KIF26A: variants seen among roughly 807,000 people sequenced by gnomAD.
The protein encoded by KIF26A is kinesin family member 26A.
KIF26A carries 74 observed loss-of-function variants against 126.0 expected under a neutral mutation model. The observed-to-expected ratio is 0.59, with a 90% CI of 0.49 to 0.71. KIF26A has a LOEUF of 0.71. Among genes scored for constraint, KIF26A ranks in the 30% least tolerant of loss-of-function variants. The pLI, the probability that KIF26A is intolerant of heterozygous loss-of-function variation, is 0.00. For synonymous variants in KIF26A, 1,445 were observed against 1,232.7 expected, an observed-to-expected ratio of 1.17 and a Z score of -3.61; for missense variants, 2,984 against 2,763.3, an observed-to-expected ratio of 1.08 and a Z score of -1.79.
chr14:104,165,550 T>C (rs1240084337), intron 4 of KIF26A, among the ~76,000 whole-genome samples: 1 of 150,740 alleles, frequency 6.6e-6, no homozygotes, highest in East Asian at 1.9e-4. Context: ...TATGCGTGTG[T>C]GTGTGTCTGT....
chr14:104,178,482 T>TC lies in KIF26A; in HGVS notation c.5111-64dup, dbSNP rs950342125. 535 of 1,225,140 alleles carry TC rather than the reference T, an allele frequency of 4.4e-4. 1 individual carries two copies. Among genetic ancestry groups the TC allele is most frequent in the Non-Finnish European group, 5.4e-4 (498 of 928,298 alleles). The allele number at this position is 1,225,140 out of a possible 1,614,324, so 75.9% of individuals were successfully genotyped here. A position where few individuals can be genotyped will look rare whatever the true frequency, so the allele number is the denominator to read the frequency against. ...CAGGACTCGGGCCGGCTCCGCAGCG[T>TC]CCCCGCAGGGGCTGTGCTTGGGCTG... is the stretch of plus-strand genomic sequence containing the variant. On this transcript the variant is annotated intron_variant, in intron 12 of 14. Transcript: ENST00000423312.
rs952564135 is a variant in KIF26A, at chr14:104,148,032, C to T, written c.289-3983C>T. Reference sequence around the variant, plus strand: ...ACTCCCCTCGCTGTCCCAGGGTGGCCTTACCTGGCGGGGAGGTTTGATCAG... The same window carrying T: ...ACTCCCCTCGCTGTCCCAGGGTGGCTTTACCTGGCGGGGAGGTTTGATCAG... On this transcript the variant is annotated intron_variant, in intron 2 of 14. Transcript: ENST00000423312. This position sits in a 1 kb window ranked among gnomAD's most constrained non-coding sequence, Gnocchi z 4.3. Among the ~76,000 whole-genome samples the T allele has an allele frequency of 6.6e-6, 1 of 152,196 alleles. No individual in the cohort carries two copies. Among genetic ancestry groups the T allele is most frequent in the Non-Finnish European group, 1.5e-5 (1 of 68,032 alleles).
rs767810884 is a variant in KIF26A at position 104,152,191 on chromosome 14, C to T, written c.465C>T (p.Pro155=). Residue 155 remains proline, a synonymous_variant, in exon 3 of 15, where the codon CCC becomes CCT. Transcript: ENST00000423312. This position sits in a 1 kb window ranked among gnomAD's most constrained non-coding sequence, Gnocchi z 5.9. ...APASHEDLDA[P]HGGPSLAPPS... ...CCAGCCATGAGGACCTTGACGCCCC[C>T]CATGGAGGCCCCAGCCTCGCACCCC... 4.4e-6 allele frequency: 7 copies of T among 1,606,152 alleles called. No homozygotes were observed. The Admixed American group carries it at 6.7e-5, about 15-fold the overall frequency.
rs746788321 is a variant in KIF26A, at chr14:104,180,187, TG to T, written c.*398del. The T allele has an allele frequency of 2.9e-5, 5 of 170,160 alleles. No individual in the cohort carries two copies. The highest frequency in any genetic ancestry group is 6.2e-5 in the Non-Finnish European group (5 of 80,396). The allele number at this position is 170,160 out of a possible 1,614,324, so 10.5% of individuals were successfully genotyped here. ...GCCTTCTTTGCAGCCAAGCAGTTTT[TG>T]TGGAGTGGAGTGGGACTTACCTGCA... is the stretch of plus-strand genomic sequence containing the variant. On this transcript the variant is annotated 3_prime_UTR_variant, in exon 15 of 15. Transcript: ENST00000423312.
At chr14:104,164,298 T>G (rs2037860114) in intron 4 of KIF26A, among the ~76,000 whole-genome samples, 2 of 147,730 alleles carry the variant, frequency 1.4e-5, no homozygotes, top group African/African-American at 2.5e-5. Context: ...CCAGGGTGGG[T>G]CGGGGGAGCG....
At chr14:104,179,463 T>C (rs1486324690) in intron 14 of KIF26A, 77 bp downstream of exon 14, 3 of 1,436,860 alleles carry the variant, frequency 2.1e-6, no homozygotes, top group Non-Finnish European at 2.7e-6. Flanking sequence ...CAGAGCCCTG[T>C]TGCTCTCCTG....
At chr14:104,161,531 A>C (rs376544158) in intron 4 of KIF26A, among the ~76,000 whole-genome samples, 3 of 152,192 alleles carry the variant, frequency 2.0e-5, no homozygotes, top group Non-Finnish European at 2.9e-5. Flanking sequence ...TTCTGTTGAC[A>C]TGAATCGATG....
Position 104,176,115 on chromosome 14 carries a change from C to CA in KIF26A, c.3328dup (p.Ile1110AsnfsTer17), listed in dbSNP as rs1432006557. The CA allele has an allele frequency of 1.3e-6, 2 of 1,583,052 alleles. No homozygotes were observed. The highest frequency in any genetic ancestry group is 3.6e-5 in the Admixed American group (2 of 56,082). ...GGGCCGGCAGCAGTCACGGCTCCTCCATCAGCTCCTGGCTCAGCGAGGTCA... is the reference window on the plus strand; with the variant it reads ...GGGCCGGCAGCAGTCACGGCTCCTCCAATCAGCTCCTGGCTCAGCGAGGTCA... On this transcript the variant is annotated frameshift_variant, in exon 12 of 15. Transcript: ENST00000423312. LOFTEE classifies it high-confidence loss of function.
chr14:104,165,459 G>GTGTGTGTGTGTGTGTCTCTGTATGCA (rs748780476), intron 4 of KIF26A, among the ~76,000 whole-genome samples: 1,994 of 147,416 alleles, frequency 0.014, 29 homozygotes, highest in Middle Eastern at 0.021. Flanking sequence ...TTCTGTATGC[G>GTGTGTGTGTGTGTGTCTCTGTATGCA]TGTGTGTGTG....
At position 104,152,603 on chromosome 14, in the gene KIF26A, C is replaced by A; in HGVS notation, c.735+142C>A. ...ACGGCGGGCATGGGGGTTCCTGACA[C>A]TCCTGAGGCCCCACATCAGATGCAC... is the stretch of plus-strand genomic sequence containing the variant. On this transcript the variant is annotated intron_variant, in intron 3 of 14. Transcript: ENST00000423312. This position sits in a 1 kb window ranked among gnomAD's most constrained non-coding sequence, Gnocchi z 5.9. 2.7e-6 allele frequency: 2 copies of A among 747,770 alleles called. No homozygotes were observed. The highest frequency in any genetic ancestry group is 1.9e-5 in the South Asian group (1 of 52,792). 46.3% of individuals were successfully genotyped at this position (747,770 alleles called of 1,614,324 possible).
intron 12 of KIF26A, among the ~76,000 whole-genome samples, chr14:104,178,280 G>T (rs1370511599): frequency 6.6e-6 from 1 of 152,142 alleles, no homozygotes; most frequent in Non-Finnish European, 1.5e-5. Context: ...GAAGGCCCCC[G>T]CCAGGGCTGC....
intron 1 of KIF26A, 70 bp from the exon 2 acceptor site, chr14:104,138,973 G>T: frequency 1.5e-6 from 2 of 1,309,788 alleles, no homozygotes; most frequent in Non-Finnish European, 1.9e-6. Context: ...CGCTGGGGCA[G>T]GGCGCGCAGG....
rs577828246 is a variant in KIF26A at position 104,165,087 on chromosome 14, TTCTA to T, written c.924-1770_924-1767del. Among the ~76,000 whole-genome samples the T allele has an allele frequency of 4.7e-4, 69 of 146,368 alleles. 1 individual carries two copies. The South Asian group carries it at 0.012, about 25-fold the overall frequency. On this transcript the variant is annotated intron_variant, in intron 4 of 14. Coordinates refer to ENST00000423312, the MANE Select transcript of KIF26A (RefSeq NM_015656.2). ...TGTGTTTCTGTATGCATGTGTGTGT[TTCTA>T]TGTGTGTGTGTCTCTGTGTGTGTGT...
chr14:104,163,245 C>A (rs2037849353), intron 4 of KIF26A, among the ~76,000 whole-genome samples: 1 of 152,216 alleles, frequency 6.6e-6, no homozygotes. Context: ...TGGCCTCGCC[C>A]AGGCCCCTGC....
At chr14:104,140,365 G>T (rs2037626384) in intron 2 of KIF26A, among the ~76,000 whole-genome samples, 1 of 152,186 alleles carries the variant, frequency 6.6e-6, no homozygotes, top group African/African-American at 2.4e-5. Flanking sequence ...TGCAGCCTTG[G>T]CCATACTCTG....
chr14:104,165,231 ATG>A (rs1424055086), intron 4 of KIF26A, among the ~76,000 whole-genome samples: 2 of 139,212 alleles, frequency 1.4e-5, no homozygotes, highest in Non-Finnish European at 3.1e-5. Flanking sequence ...TTCTGTGTGC[ATG>A]TGTGTCTCTG....
chr14:104,143,108 C>T (rs1197144077), intron 2 of KIF26A, among the ~76,000 whole-genome samples: 4 of 152,238 alleles, frequency 2.6e-5, no homozygotes, highest in African/African-American at 9.6e-5. Context: ...AATTGATTAT[C>T]GCCCCCGATG....
chr14:104,174,574 C>T (rs2037996076), intron 11 of KIF26A, among the ~76,000 whole-genome samples: 1 of 152,132 alleles, frequency 6.6e-6, no homozygotes, highest in South Asian at 2.1e-4. Flanking sequence ...GCCTGCTGCC[C>T]CCGCACAGGC....
chr14:104,165,159 GTA>G (rs1401347863), intron 4 of KIF26A, among the ~76,000 whole-genome samples: 6 of 151,408 alleles, frequency 4.0e-5, no homozygotes, highest in African/African-American at 1.2e-4. Flanking sequence ...ATGCATGTGT[GTA>G]TCTCTATGCA....
Sources: gnomAD v4.1 joint callset for allele counts (sites outside exome capture counted in the v4.1 genomes callset) on GRCh38, gnomAD v4.1.1 for gene constraint, Gnocchi (gnomAD v3.1) non-coding constraint, MANE v1.5 for transcripts, NCBI Gene and HGNC (gene_info 2026-07-23, HGNC 2026-07-21) for gene names.